The following ATP13A3 variants were observed in gnomAD, a reference collection of about 807,000 sequenced individuals.
ATP13A3 encodes ATPase 13A3, also known as polyamine-transporting ATPase 13A3.
A neutral mutation model predicts 158.1 loss-of-function variants in ATP13A3; 59 were observed. That is an observed-to-expected ratio of 0.37 (90% CI 0.30 to 0.46). The LOEUF is 0.46. ATP13A3 is among the 20% of genes least tolerant of loss of function. The pLI, the probability that ATP13A3 is intolerant of heterozygous loss-of-function variation, is 1.00. For missense variants in ATP13A3, 1,166 were observed against 1,525.2 expected (o/e 0.76, Z 3.92); for synonymous variants, 491 against 504.3 (o/e 0.97, Z 0.35).
At chr3:194,443,038 TAAAAA>T (rs11426254) in intron 15 of ATP13A3, among the ~76,000 whole-genome samples, 1 of 140,774 alleles carries the variant, frequency 7.1e-6, no homozygotes, top group African/African-American at 2.6e-5. Context: ...TGCTTTCACT[TAAAAA>T]AAAAAAAAAG....
upstream of ATP13A3, among the ~76,000 whole-genome samples, chr3:194,491,151 A>G (rs1560122043): frequency 6.6e-6 from 1 of 152,148 alleles, no homozygotes; most frequent in African/African-American, 2.4e-5. Flanking sequence ...CTCAAAAAGA[A>G]TGTCAACCAT....
At chr3:194,423,076 A>G (rs1291521974) in intron 30 of ATP13A3, among the ~76,000 whole-genome samples, 2 of 152,118 alleles carry the variant, frequency 1.3e-5, no homozygotes, top group Non-Finnish European at 2.9e-5. Context: ...AAGAAACTGC[A>G]TTAAAAATTG....
intron 2 of ATP13A3, among the ~76,000 whole-genome samples, chr3:194,477,640 T>C (rs1382592983): frequency 1.3e-5 from 2 of 152,212 alleles, no homozygotes; most frequent in Non-Finnish European, 2.9e-5. Flanking sequence ...CAGCTTCTCA[T>C]AGCTGTTAAC....
chr3:194,483,378 T>C (rs1577097955), intron 2 of ATP13A3, among the ~76,000 whole-genome samples: 2 of 145,666 alleles, frequency 1.4e-5, no homozygotes, highest in South Asian at 2.2e-4. Context: ...CTGCTTCAGT[T>C]CAGGAGTTTG....
At chr3:194,440,803 G>A (rs1717998760) in intron 16 of ATP13A3, among the ~76,000 whole-genome samples, 1 of 152,178 alleles carries the variant, frequency 6.6e-6, no homozygotes, top group Admixed American at 6.5e-5. Flanking sequence ...ACTGAATGCT[G>A]TAAAATGATA....
intron 33 of ATP13A3, among the ~76,000 whole-genome samples, chr3:194,410,959 TG>T (rs1236801666): frequency 0.015 from 2,305 of 151,202 alleles, 67 homozygotes; most frequent in African/African-American, 0.054. Context: ...TGTGTGTGTG[TG>T]TGTGTGTGTG....
At chr3:194,466,411 T>C (rs1049747398) in intron 2 of ATP13A3, among the ~76,000 whole-genome samples, 1 of 152,190 alleles carries the variant, frequency 6.6e-6, no homozygotes, top group Non-Finnish European at 1.5e-5. Context: ...TAAGCAGATA[T>C]ACCACAAAAG....
At chr3:194,475,528 C>T (rs560857933) in intron 2 of ATP13A3, among the ~76,000 whole-genome samples, 3 of 152,302 alleles carry the variant, frequency 2.0e-5, no homozygotes, top group Non-Finnish European at 2.9e-5. Flanking sequence ...AACCTACCCA[C>T]GCTAACCCAG....
rs1553792067 is a variant in ATP13A3, at chr3:194,403,926, G to GGT, written c.*1991_*1992dup. 15 of 315,200 alleles carry GGT rather than the reference G, an allele frequency of 4.8e-5. No individual in the cohort carries two copies. The highest frequency in any genetic ancestry group is 1.0e-4 in the South Asian group (4 of 38,936). The allele number at this position is 315,200 out of a possible 1,614,324, so 19.5% of individuals were successfully genotyped here. ...CTAAATGTTAAAAAAGTGGGGGGGGGGTGTCAAAAATAGCTCTTTATGATC... is the reference window on the plus strand; with the variant it reads ...CTAAATGTTAAAAAAGTGGGGGGGGGGTGTGTCAAAAATAGCTCTTTATGATC... On this transcript the variant is annotated 3_prime_UTR_variant, in exon 34 of 34. Coordinates refer to ENST00000645319, the MANE Select transcript of ATP13A3 (RefSeq NM_001367549.1).
chr3:194,457,988 G>A lies in ATP13A3; in HGVS notation c.480-814C>T, dbSNP rs1256371933. ...TTTAGTAGAGAAGGGGTTTCACCACGTTGGCCAGAATGGTCTCAAGCTCTT... is the reference window on the plus strand; with the variant it reads ...TTTAGTAGAGAAGGGGTTTCACCACATTGGCCAGAATGGTCTCAAGCTCTT... On this transcript the variant is annotated intron_variant, in intron 6 of 33. Coordinates refer to ENST00000645319, the MANE Select transcript of ATP13A3 (RefSeq NM_001367549.1). Among the ~76,000 whole-genome samples, 9 of 152,016 alleles carry A rather than the reference G, an allele frequency of 5.9e-5. No homozygotes were observed. In the East Asian group the frequency reaches 9.7e-4, roughly 16 times the overall value.
chr3:194,411,066 G>GAAA (rs35746857), intron 33 of ATP13A3, among the ~76,000 whole-genome samples: 16,296 of 145,010 alleles, frequency 0.11, 994 homozygotes, highest in Non-Finnish European at 0.14. Context: ...CTGCTTTCAG[G>GAAA]AAAAAAAAAA....
At chr3:194,490,790 A>C (rs1721137510), upstream of ATP13A3, among the ~76,000 whole-genome samples, 1 of 152,210 alleles carries the variant, frequency 6.6e-6, no homozygotes, top group Non-Finnish European at 1.5e-5. The surrounding 1 kb of genome is among the most constrained non-coding windows in gnomAD (Gnocchi z 4.4). Context: ...ACTGATCCAC[A>C]TGCTCTCCCC....
intron 15 of ATP13A3, among the ~76,000 whole-genome samples, chr3:194,442,041 A>G (rs755289289): frequency 6.6e-6 from 1 of 152,200 alleles, no homozygotes; most frequent in Non-Finnish European, 1.5e-5. Context: ...ATTATAGATG[A>G]GAAAACTGAA....
At position 194,441,315 on chromosome 3, in the gene ATP13A3, C is replaced by G. The variant is rs1371144995; in HGVS notation, c.1706G>C (p.Gly569Ala). The change falls in exon 16 of 34, where the codon GGA becomes GCA. Residue 569 changes from glycine (G) to alanine (A), a missense_variant. Gly to Ala is a moderately conservative substitution (Grantham distance 60). Coordinates refer to ENST00000645319, the MANE Select transcript of ATP13A3 (RefSeq NM_001367549.1). The part of the protein sequence containing the change: ...PLDLKMFEAI[G>A]WILEEATEEE... ...ATTTTAAAATATTTGACTTACCCAT[C>G]CAATAGCCTCAAACATTTTCAGATC... 2 of 1,608,630 alleles carry G rather than the reference C, an allele frequency of 1.2e-6. No homozygotes were observed. The highest frequency in any genetic ancestry group is 3.4e-5 in the Admixed American group (2 of 59,256).
chr3:194,420,063 T>C lies in ATP13A3; in HGVS notation c.3314-96A>G, dbSNP rs992276542. ...GCTGGTATACTGTCATTTGTAAATTTGGTTTTGAATACTTTCACTTCAGTT... is the reference window on the plus strand; with the variant it reads ...GCTGGTATACTGTCATTTGTAAATTCGGTTTTGAATACTTTCACTTCAGTT... On this transcript the variant is annotated intron_variant, in intron 30 of 33. Coordinates refer to ENST00000645319, the MANE Select transcript of ATP13A3 (RefSeq NM_001367549.1). 6.9e-6 allele frequency: 9 copies of C among 1,300,350 alleles called. No individual in the cohort carries two copies. In the East Asian group the frequency reaches 2.7e-4, roughly 39 times the overall value. The allele number at this position is 1,300,350 out of a possible 1,614,324, so 80.6% of individuals were successfully genotyped here.
chr3:194,413,584 G>T (rs1231873523), intron 32 of ATP13A3, among the ~76,000 whole-genome samples, 175 bp downstream of exon 32: 1 of 152,070 alleles, frequency 6.6e-6, no homozygotes, highest in East Asian at 1.9e-4. Flanking sequence ...CCCTTAATAT[G>T]ACCACTATCA....
In ATP13A3 at chr3:194,462,224, C is replaced by A; in HGVS notation, c.-34G>T. 2 of 1,589,162 alleles carry A rather than the reference C, an allele frequency of 1.3e-6. No homozygotes were observed. Among genetic ancestry groups the A allele is most frequent in the Non-Finnish European group, 1.7e-6 (2 of 1,157,462 alleles). The stretch of plus-strand genomic sequence containing the variant: ...TGGATTAAAGGTCCAGTGCTTCAAA[C>A]AATGGAAGATCACTGAGGGAAGAAA... On this transcript the variant is annotated 5_prime_UTR_variant, in exon 3 of 34. Coordinates refer to ENST00000645319, the MANE Select transcript of ATP13A3 (RefSeq NM_001367549.1).
At chr3:194,483,249 A>C (rs1720826271) in intron 2 of ATP13A3, among the ~76,000 whole-genome samples, 1 of 151,422 alleles carries the variant, frequency 6.6e-6, no homozygotes, top group South Asian at 2.1e-4. Context: ...GTGCCACTAC[A>C]CTCTAGCCTG....
At chr3:194,422,436 T>G (rs1716456488) in intron 30 of ATP13A3, among the ~76,000 whole-genome samples, 1 of 152,198 alleles carries the variant, frequency 6.6e-6, no homozygotes, top group Non-Finnish European at 1.5e-5. Context: ...GGGTGTTCCT[T>G]AAGATTTAGA....
Sources: gnomAD v4.1 joint callset for allele counts (sites outside exome capture counted in the v4.1 genomes callset) on GRCh38, gnomAD v4.1.1 for gene constraint, Gnocchi (gnomAD v3.1) non-coding constraint, MANE v1.5 for transcripts, NCBI Gene and HGNC (gene_info 2026-07-23, HGNC 2026-07-21) for gene names.